The following MTCL2 variants were observed in gnomAD, a reference collection of about 807,000 sequenced individuals.
MTCL2 encodes microtubule crosslinking factor 2.
chr20:36,795,296 C>G, the MTCL2 span, among the ~76,000 whole-genome samples: 2 of 152,068 alleles, frequency 1.3e-5, no homozygotes, highest in East Asian at 3.9e-4. Context: ...CCCTATGTTG[C>G]CCAGGCTGGT....
the MTCL2 span, among the ~76,000 whole-genome samples, chr20:36,813,936 T>G: frequency 3.4e-4 from 52 of 152,198 alleles, no homozygotes; most frequent in African/African-American, 1.2e-3. Flanking sequence ...CCACGCTCCT[T>G]CCGCCTCTGA....
At chr20:36,850,857 C>A in the MTCL2 span, among the ~76,000 whole-genome samples, 1 of 152,208 alleles carries the variant, frequency 6.6e-6, no homozygotes, top group Non-Finnish European at 1.5e-5. Flanking sequence ...GGTACGTCCA[C>A]GCAATAGAAT....
the MTCL2 span, chr20:36,797,550 C>A: frequency 6.4e-7 from 1 of 1,557,418 alleles, no homozygotes. Context: ...GCTTCAGGAC[C>A]CAGGGGTCGG....
At chr20:36,786,661 C>A in the MTCL2 span, 1 of 1,540,496 alleles carries the variant, frequency 6.5e-7, no homozygotes, top group South Asian at 1.2e-5. Context: ...GGCAGGGAGG[C>A]AGGAAGTCAA....
At chr20:36,777,657 C>A in the MTCL2 span, 1 of 483,602 alleles carries the variant, frequency 2.1e-6, no homozygotes, top group Non-Finnish European at 3.7e-6. Context: ...GAGAGGTGGA[C>A]AGTTGGCCCA....
At chr20:36,792,857 T>TAGATAGAC in the MTCL2 span, among the ~76,000 whole-genome samples, 7 of 137,598 alleles carry the variant, frequency 5.1e-5, no homozygotes, top group East Asian at 2.0e-4. Context: ...GATAGATAGA[T>TAGATAGAC]AGACAGACAG....
At chr20:36,845,437 T>A in the MTCL2 span, among the ~76,000 whole-genome samples, 1 of 152,264 alleles carries the variant, frequency 6.6e-6, no homozygotes, top group Non-Finnish European at 1.5e-5. Context: ...AGATGTTGCA[T>A]TCACGCCAGT....
chr20:36,796,583 G>A, the MTCL2 span, among the ~76,000 whole-genome samples: 1 of 152,210 alleles, frequency 6.6e-6, no homozygotes, highest in Non-Finnish European at 1.5e-5. Flanking sequence ...AATCCCAAGA[G>A]GAGCAAAATG....
chr20:36,827,240 A>G, the MTCL2 span, among the ~76,000 whole-genome samples: 2 of 151,428 alleles, frequency 1.3e-5, no homozygotes, highest in East Asian at 3.9e-4. Context: ...TTTAGTAGAC[A>G]TGGGGTTTCG....
At chr20:36,816,051 A>G in the MTCL2 span, 1 of 1,613,548 alleles carries the variant, frequency 6.2e-7, no homozygotes, top group Non-Finnish European at 8.5e-7. Flanking sequence ...CAGCTCCACG[A>G]TGCGGCGGCT....
the MTCL2 span, among the ~76,000 whole-genome samples, chr20:36,790,103 T>C: frequency 6.6e-6 from 1 of 151,056 alleles, no homozygotes; most frequent in Non-Finnish European, 1.5e-5. Context: ...GCCATTCTCC[T>C]GCCTCAGCTT....
At chr20:36,784,726 G>T in the MTCL2 span, 3 of 985,584 alleles carry the variant, frequency 3.0e-6, no homozygotes, top group Non-Finnish European at 3.6e-6. Flanking sequence ...GCTCACAGGG[G>T]ACGTGAGGAA....
At chr20:36,799,219 G>A in the MTCL2 span, among the ~76,000 whole-genome samples, 76 of 151,900 alleles carry the variant, frequency 5.0e-4, 1 homozygote, top group African/African-American at 1.5e-3. Context: ...TGCCGGGCAC[G>A]GTGGCTCACA....
the MTCL2 span, chr20:36,815,966 C>T: frequency 4.3e-6 from 7 of 1,613,304 alleles, no homozygotes; most frequent in Non-Finnish European, 5.9e-6. The surrounding 1 kb of genome is among the most constrained non-coding windows in gnomAD (Gnocchi z 5.3). Context: ...CCAGGCGTGC[C>T]TCAGGACCCC....
chr20:36,821,059 G>A, the MTCL2 span, among the ~76,000 whole-genome samples: 3 of 152,156 alleles, frequency 2.0e-5, no homozygotes, highest in African/African-American at 7.2e-5. Flanking sequence ...CATTCAAAAA[G>A]GACATAGAAG....
the MTCL2 span, among the ~76,000 whole-genome samples, chr20:36,799,159 C>T: frequency 6.6e-6 from 1 of 151,350 alleles, no homozygotes; most frequent in African/African-American, 2.4e-5. Context: ...AGTTTAAGAT[C>T]AGCCTGGGCA....
At chr20:36,811,628 TA>T in the MTCL2 span, among the ~76,000 whole-genome samples, 177 of 138,178 alleles carry the variant, frequency 1.3e-3, no homozygotes, top group Admixed American at 1.4e-3. Context: ...AGACTCAGTC[TA>T]AAAAAAAAAA....
chr20:36,790,575 T>C, the MTCL2 span, among the ~76,000 whole-genome samples: 3 of 150,392 alleles, frequency 2.0e-5, no homozygotes, highest in Non-Finnish European at 4.4e-5. Context: ...GCTGGGACTA[T>C]AGGCGCATGC....
chr20:36,863,330 C>T, the MTCL2 span: 5 of 1,176,580 alleles, frequency 4.2e-6, no homozygotes, highest in East Asian at 1.5e-4. This position sits in a 1 kb window ranked among gnomAD's most constrained non-coding sequence, Gnocchi z 6.2. Context: ...GGGGCTCGGC[C>T]GCCGGCGCCT....
Sources: allele counts gnomAD v4.1 joint callset (sites outside exome capture counted in the v4.1 genomes callset), GRCh38; gene constraint gnomAD v4.1.1; non-coding constraint Gnocchi (gnomAD v3.1); transcripts MANE v1.5; gene names NCBI Gene and HGNC (gene_info 2026-07-23, HGNC 2026-07-21).